CCDC178: variants seen among roughly 807,000 people sequenced by gnomAD.
CCDC178 encodes the protein coiled-coil domain-containing protein 178.
Under a neutral mutation model 117.4 loss-of-function variants are expected in CCDC178, and 126 were observed. The ratio of observed to expected loss-of-function variants is 1.07; its 90% CI spans 0.93 to 1.24. The LOEUF (loss-of-function observed/expected upper bound fraction) is 1.24, where lower values mean the gene tolerates loss of function less well. CCDC178 is among the 50% of genes most tolerant of loss of function. The pLI is 0.00. For synonymous variants in CCDC178, 283 were observed against 313.4 expected, an observed-to-expected ratio of 0.90 and a Z score of 1.02; for missense variants, 1,030 against 986.9, an observed-to-expected ratio of 1.04 and a Z score of -0.59.
chr18:32,938,800 G>C (rs1273053185), intron 22 of CCDC178, among the ~76,000 whole-genome samples: 1 of 152,096 alleles, frequency 6.6e-6, no homozygotes, highest in Non-Finnish European at 1.5e-5. Flanking sequence ...TTTGTCTTAA[G>C]GTTTATCTAT....
At chr18:33,116,392 T>C (rs1405141264) in intron 20 of CCDC178, among the ~76,000 whole-genome samples, 1 of 152,180 alleles carries the variant, frequency 6.6e-6, no homozygotes, top group Non-Finnish European at 1.5e-5. Flanking sequence ...TGGCTTTGTA[T>C]TAGTCTTGCA....
At chr18:33,231,047 A>G (rs1012117112) in intron 15 of CCDC178, among the ~76,000 whole-genome samples, 1 of 152,224 alleles carries the variant, frequency 6.6e-6, no homozygotes, top group Non-Finnish European at 1.5e-5. Context: ...AAAAATAGCC[A>G]TGTATTCTTA....
intron 12 of CCDC178, among the ~76,000 whole-genome samples, chr18:33,290,895 T>C (rs1439557486): frequency 6.6e-6 from 1 of 152,088 alleles, no homozygotes; most frequent in African/African-American, 2.4e-5. Context: ...GTTTTCTATA[T>C]TATAAAAAAA....
intron 21 of CCDC178, among the ~76,000 whole-genome samples, chr18:33,058,311 G>C (rs1381381243): frequency 1.3e-5 from 2 of 152,166 alleles, no homozygotes; most frequent in Admixed American, 6.5e-5. Flanking sequence ...AGTATTACTG[G>C]GCAGTAAAAA....
At position 33,243,576 on chromosome 18, in the gene CCDC178, T is replaced by C. The variant is rs530668173; in HGVS notation, c.1593+1669A>G. On this transcript the variant is annotated intron_variant, in intron 15 of 22. Coordinates refer to ENST00000383096, the MANE Select transcript of CCDC178 (RefSeq NM_001105528.4). ...AAAATAACAGAAAAGGGGCACTCTA[T>C]TATGGGCTGGCAAAGCAATTACAGT... is the stretch of plus-strand genomic sequence containing the variant. Among the ~76,000 whole-genome samples, 16 of 151,970 alleles carry C rather than the reference T, an allele frequency of 1.1e-4. No homozygotes were observed. The East Asian group carries it at 2.3e-3, about 22-fold the overall frequency.
intron 21 of CCDC178, among the ~76,000 whole-genome samples, chr18:32,996,779 A>G (rs1452853148): frequency 1.3e-5 from 2 of 152,070 alleles, no homozygotes; most frequent in African/African-American, 4.8e-5. Flanking sequence ...ACTGCAAGCA[A>G]AATTTAAAAT....
At chr18:33,261,375 G>A (rs1014572539) in intron 14 of CCDC178, among the ~76,000 whole-genome samples, 7 of 152,160 alleles carry the variant, frequency 4.6e-5, no homozygotes, top group East Asian at 3.8e-4. Context: ...GAGCCACCAC[G>A]CCCGGCCTGC....
At chr18:32,977,465 T>C (rs2055051803) in intron 21 of CCDC178, among the ~76,000 whole-genome samples, 1 of 152,126 alleles carries the variant, frequency 6.6e-6, no homozygotes, top group African/African-American at 2.4e-5. Context: ...CCTTACCACA[T>C]AGCATAGGTT....
chr18:33,100,931 C>T (rs906605835), intron 20 of CCDC178, among the ~76,000 whole-genome samples: 7 of 151,800 alleles, frequency 4.6e-5, no homozygotes, highest in Admixed American at 1.3e-4. Flanking sequence ...GAGCAAAAAT[C>T]GGTTTCACCT....
At chr18:33,242,446 C>G (rs967949783) in intron 15 of CCDC178, among the ~76,000 whole-genome samples, 2 of 151,596 alleles carry the variant, frequency 1.3e-5, no homozygotes, top group African/African-American at 4.8e-5. Context: ...GCAAAGGGAA[C>G]AGTCAACAGA....
intron 20 of CCDC178, among the ~76,000 whole-genome samples, chr18:33,207,599 T>C (rs1339273819): frequency 6.6e-6 from 1 of 151,188 alleles, no homozygotes; most frequent in South Asian, 2.1e-4. Flanking sequence ...CACAACTATA[T>C]AAGAAAAATA....
chr18:33,385,094 C>T (rs1208536921), intron 5 of CCDC178, among the ~76,000 whole-genome samples: 2 of 152,096 alleles, frequency 1.3e-5, no homozygotes, highest in East Asian at 1.9e-4. Flanking sequence ...GACTTTAAAT[C>T]AACAAAGGTC....
intron 21 of CCDC178, among the ~76,000 whole-genome samples, chr18:32,984,596 CCA>C (rs1171576290): frequency 6.7e-6 from 1 of 149,244 alleles, no homozygotes; most frequent in African/African-American, 2.6e-5. Context: ...CACTGAAATC[CCA>C]TGAACAGTTC....
At chr18:33,265,551 T>C (rs28457646) in intron 14 of CCDC178, among the ~76,000 whole-genome samples, 1 of 151,912 alleles carries the variant, frequency 6.6e-6, no homozygotes, top group African/African-American at 2.4e-5. Context: ...AAAAATACCA[T>C]GTATGGGCTG....
chr18:33,331,826 T>C lies in CCDC178; in HGVS notation c.879+1348A>G, dbSNP rs1306448995. On this transcript the variant is annotated intron_variant, in intron 10 of 22. Coordinates refer to ENST00000383096, the MANE Select transcript of CCDC178 (RefSeq NM_001105528.4). ...AACTTGATGTTATCTAATAAAATAG[T>C]AAATGTGTATAACCCACAATCCAGT... 3.9e-5 allele frequency among the ~76,000 whole-genome samples: 6 copies of C among 152,226 alleles called. No homozygotes were observed. In the South Asian group the frequency reaches 1.2e-3, roughly 32 times the overall value.
chr18:33,000,876 G>A (rs1304326250), intron 21 of CCDC178, among the ~76,000 whole-genome samples: 1 of 152,130 alleles, frequency 6.6e-6, no homozygotes, highest in Non-Finnish European at 1.5e-5. Flanking sequence ...AACATCTGAA[G>A]TTGCAAAAGT....
intron 11 of CCDC178, among the ~76,000 whole-genome samples, chr18:33,308,972 T>C (rs1390091536): frequency 6.6e-6 from 1 of 152,232 alleles, no homozygotes; most frequent in Admixed American, 6.5e-5. Context: ...AGCATGAGAA[T>C]GGATTAATAC....
At chr18:33,100,931 C>A (rs906605835) in intron 20 of CCDC178, among the ~76,000 whole-genome samples, 1 of 151,800 alleles carries the variant, frequency 6.6e-6, no homozygotes, top group Admixed American at 6.6e-5. Context: ...GAGCAAAAAT[C>A]GGTTTCACCT....
At chr18:33,334,797 T>C (rs1438346373) in intron 9 of CCDC178, among the ~76,000 whole-genome samples, 1 of 152,028 alleles carries the variant, frequency 6.6e-6, no homozygotes, top group Non-Finnish European at 1.5e-5. Flanking sequence ...TATGTATATA[T>C]TTATTTATTT....
Sources: allele counts gnomAD v4.1 joint callset (sites outside exome capture counted in the v4.1 genomes callset), GRCh38; gene constraint gnomAD v4.1.1; transcripts MANE v1.5; gene names NCBI Gene and HGNC (gene_info 2026-07-23, HGNC 2026-07-21).